TBC1D5: variants seen among roughly 807,000 people sequenced by gnomAD.
TBC1D5 encodes TBC1 domain family, member 5.
A neutral mutation model predicts 100.3 loss-of-function variants in TBC1D5; 75 were observed. The ratio of observed to expected loss-of-function variants is 0.75; its 90% CI spans 0.62 to 0.91. TBC1D5 has a LOEUF of 0.91. TBC1D5 is among the 40% of genes least tolerant of loss of function. The pLI is 0.00. For missense variants in TBC1D5, 910 were observed against 942.4 expected, an observed-to-expected ratio of 0.97 and a Z score of 0.45; for synonymous variants, 323 against 325.6, an observed-to-expected ratio of 0.99 and a Z score of 0.09.
intron 15 of TBC1D5, among the ~76,000 whole-genome samples, chr3:17,269,842 T>G (rs2079211907): frequency 6.6e-6 from 1 of 152,168 alleles, no homozygotes; most frequent in African/African-American, 2.4e-5. Context: ...TTTTTATGGC[T>G]GTGTAGTGTT....
At chr3:17,475,250 G>A (rs577172361) in intron 3 of TBC1D5, among the ~76,000 whole-genome samples, 44 of 150,122 alleles carry the variant, frequency 2.9e-4, no homozygotes, top group African/African-American at 1.1e-3. Context: ...TATATCTTAA[G>A]ACTTTACATC....
chr3:17,689,165 A>G (rs2153824139), intron 1 of TBC1D5, among the ~76,000 whole-genome samples: 1 of 152,316 alleles, frequency 6.6e-6, no homozygotes, highest in African/African-American at 2.4e-5. Context: ...AGCTACTAAC[A>G]AGTGCATGGA....
At chr3:17,577,807 A>T (rs2096666820) in intron 2 of TBC1D5, among the ~76,000 whole-genome samples, 1 of 152,024 alleles carries the variant, frequency 6.6e-6, no homozygotes, top group South Asian at 2.1e-4. Flanking sequence ...AACTACTGCA[A>T]TTAATATGAA....
chr3:17,667,276 G>A (rs2067368776), intron 1 of TBC1D5, among the ~76,000 whole-genome samples: 1 of 151,948 alleles, frequency 6.6e-6, no homozygotes, highest in Non-Finnish European at 1.5e-5. Flanking sequence ...AATGCTATAG[G>A]TCAAAAGCCT....
At position 17,358,969 on chromosome 3, in the gene TBC1D5, A is replaced by G. The variant is rs562851818; in HGVS notation, c.995+13106T>C. On this transcript the variant is annotated intron_variant, in intron 13 of 21. Coordinates refer to ENST00000253692, the Ensembl canonical transcript of TBC1D5. ...ATTTTAATAAAAGAAATTTTTAGAA[A>G]TAAAATACATATACATGCCTAACTT... is the stretch of plus-strand genomic sequence containing the variant. Among the ~76,000 whole-genome samples, 4 of 152,156 alleles carry G rather than the reference A, an allele frequency of 2.6e-5. No individual in the cohort carries two copies. In the East Asian group the frequency reaches 7.7e-4, roughly 29 times the overall value.
At chr3:17,309,057 T>C (rs2083704402) in intron 13 of TBC1D5, among the ~76,000 whole-genome samples, 2 of 152,146 alleles carry the variant, frequency 1.3e-5, no homozygotes, top group African/African-American at 2.4e-5. Flanking sequence ...TTCTAGCAAA[T>C]AGCAAAGAAT....
intron 19 of TBC1D5, among the ~76,000 whole-genome samples, chr3:17,170,828 G>C (rs1293627203): frequency 6.6e-6 from 1 of 152,166 alleles, no homozygotes; most frequent in African/African-American, 2.4e-5. Flanking sequence ...AGGGAGAAGA[G>C]ACAGAGTAGA....
chr3:17,735,631 A>G (rs9880456), intron 1 of TBC1D5, among the ~76,000 whole-genome samples: 88,788 of 151,964 alleles, frequency 0.58, 26,650 homozygotes, highest in East Asian at 0.99. Flanking sequence ...GAAGAGAACC[A>G]TGGAACCCAG....
intron 2 of TBC1D5, among the ~76,000 whole-genome samples, chr3:17,515,249 T>A (rs1364589294): frequency 6.6e-6 from 1 of 152,160 alleles, no homozygotes; most frequent in Non-Finnish European, 1.5e-5. Context: ...AGGGGTATGT[T>A]CAGGAACACC....
chr3:17,290,108 C>T (rs1343238808), intron 15 of TBC1D5, among the ~76,000 whole-genome samples: 1 of 152,114 alleles, frequency 6.6e-6, no homozygotes, highest in Admixed American at 6.5e-5. Flanking sequence ...CCAGGAATAT[C>T]AGTTTAAGGT....
rs567227099 is a variant in TBC1D5, at chr3:17,623,387, A to G, written c.-36+462T>C. ...CTATGTCTTTCAAACTACTTTCTGA[A>G]GATTTGATTCTTCCATCGGAAAACA... is the stretch of plus-strand genomic sequence containing the variant. On this transcript the variant is annotated intron_variant, in intron 2 of 21. Transcript: ENST00000253692. Among the ~76,000 whole-genome samples, 9 of 152,318 alleles carry G rather than the reference A, an allele frequency of 5.9e-5. No individual in the cohort carries two copies. In the East Asian group the frequency reaches 1.2e-3, roughly 20 times the overall value.
intron 2 of TBC1D5, among the ~76,000 whole-genome samples, chr3:17,568,293 G>T (rs1218851381): frequency 6.6e-6 from 1 of 151,270 alleles, no homozygotes; most frequent in Admixed American, 6.6e-5. Context: ...TTTAAAAATA[G>T]ATTATTCTAA....
intron 2 of TBC1D5, among the ~76,000 whole-genome samples, chr3:17,553,542 A>G (rs1192925476): frequency 6.6e-6 from 1 of 152,230 alleles, no homozygotes; most frequent in Non-Finnish European, 1.5e-5. Flanking sequence ...ATATATGTAC[A>G]TGTCCCAAAT....
chr3:17,547,274 G>A (rs144210728), intron 2 of TBC1D5, among the ~76,000 whole-genome samples: 2 of 150,852 alleles, frequency 1.3e-5, no homozygotes, highest in African/African-American at 2.5e-5. Flanking sequence ...ATAAGGTTAC[G>A]ATGAAAAGGG....
At chr3:17,706,422 TAC>T (rs34977117) in intron 1 of TBC1D5, among the ~76,000 whole-genome samples, 69,740 of 151,258 alleles carry the variant, frequency 0.46, 16,931 homozygotes, top group East Asian at 0.7. Flanking sequence ...CAACTTTACT[TAC>T]ACACACACAC....
chr3:17,187,691 C>T (rs1489603789), intron 18 of TBC1D5, among the ~76,000 whole-genome samples: 1 of 152,184 alleles, frequency 6.6e-6, no homozygotes, highest in African/African-American at 2.4e-5. Flanking sequence ...ATTCCTGGTC[C>T]TGCCTGGTCC....
intron 17 of TBC1D5, among the ~76,000 whole-genome samples, chr3:17,231,575 T>C (rs2075420284): frequency 6.6e-6 from 1 of 152,170 alleles, no homozygotes; most frequent in Non-Finnish European, 1.5e-5. Context: ...TTCATTGCTT[T>C]GAAAAAAGAC....
At chr3:17,379,904 T>C (rs1294259566) in intron 9 of TBC1D5, among the ~76,000 whole-genome samples, 3 of 152,040 alleles carry the variant, frequency 2.0e-5, no homozygotes, top group African/African-American at 7.2e-5. Context: ...AAATATCTTA[T>C]TGTACCATAC....
chr3:17,707,193 A>G (rs916817101), intron 1 of TBC1D5, among the ~76,000 whole-genome samples: 3 of 152,236 alleles, frequency 2.0e-5, no homozygotes, highest in East Asian at 1.9e-4. Context: ...ACTTATTTTT[A>G]TAACACTTTA....
Sources: allele counts gnomAD v4.1 joint callset (sites outside exome capture counted in the v4.1 genomes callset), GRCh38; gene constraint gnomAD v4.1.1; transcripts MANE v1.5; gene names NCBI Gene and HGNC (gene_info 2026-07-23, HGNC 2026-07-21).